Variants in CILK1 observed in about 807,000 individuals in gnomAD.
The protein encoded by CILK1 is ciliogenesis associated kinase 1, also known as serine/threonine-protein kinase ICK.
CILK1 carries 47 observed loss-of-function variants against 79.2 expected under a neutral mutation model. That is an observed-to-expected ratio of 0.59 (90% CI 0.47 to 0.76). The LOEUF (loss-of-function observed/expected upper bound fraction) is 0.76, where lower values mean the gene tolerates loss of function less well. Ranked by LOEUF, CILK1 falls within the 30% of genes least tolerant of loss-of-function variation. CILK1 has a pLI of 0.00. For synonymous variants in CILK1, 266 were observed against 275.9 expected, an observed-to-expected ratio of 0.96 and a Z score of 0.36; for missense variants, 660 against 769.5, an observed-to-expected ratio of 0.86 and a Z score of 1.68.
At chr6:53,020,585 G>A (rs1025088043) in intron 5 of CILK1, among the ~76,000 whole-genome samples, 1 of 152,158 alleles carries the variant, frequency 6.6e-6, no homozygotes, top group Non-Finnish European at 1.5e-5. Flanking sequence ...TTGGGTTAGG[G>A]ATGTTCAACT....
chr6:53,035,082 C>T (rs1487716812), intron 3 of CILK1, among the ~76,000 whole-genome samples: 1 of 152,156 alleles, frequency 6.6e-6, no homozygotes, highest in Non-Finnish European at 1.5e-5. Context: ...CACGTATATA[C>T]CTGCTGAGTT....
chr6:53,006,348 C>T lies in CILK1; in HGVS notation c.1711G>A (p.Val571Ile), dbSNP rs562036775. Residue 571 changes from valine (V) to isoleucine (I), a missense_variant, in exon 13 of 14, where the codon GTA becomes ATA. Coordinates refer to ENST00000676107, the MANE Select transcript of CILK1 (RefSeq NM_014920.5). Reference sequence around the variant, plus strand: ...GGGTCTGGAATAGGTGCTAGGTGTACCCTCTGCATAGCAGAACCGATTTCT... The same window carrying T: ...GGGTCTGGAATAGGTGCTAGGTGTATCCTCTGCATAGCAGAACCGATTTCT... Reference protein sequence around the residue: ...KKEIGSAMQRVHLAPIPDPSP... With the variant: ...KKEIGSAMQRIHLAPIPDPSP... The T allele has an allele frequency of 3.1e-6, 5 of 1,613,550 alleles. No individual in the cohort carries two copies. In the South Asian group the frequency reaches 5.5e-5, roughly 18 times the overall value.
chr6:53,040,873 C>T (rs1047104419), intron 2 of CILK1, among the ~76,000 whole-genome samples: 1 of 152,100 alleles, frequency 6.6e-6, no homozygotes, highest in Non-Finnish European at 1.5e-5. Flanking sequence ...GTTTATTAAC[C>T]TGCTTGTTAC....
chr6:53,050,759 C>T (rs1343769242), intron 1 of CILK1, among the ~76,000 whole-genome samples: 2 of 151,722 alleles, frequency 1.3e-5, no homozygotes, highest in Admixed American at 6.6e-5. Flanking sequence ...GTCTGGGAGG[C>T]GGAGGTTGCA....
At chr6:53,040,498 A>C (rs1766629958) in intron 2 of CILK1, among the ~76,000 whole-genome samples, 1 of 152,242 alleles carries the variant, frequency 6.6e-6, no homozygotes, top group African/African-American at 2.4e-5. Flanking sequence ...CACAATCACA[A>C]AATGAGCTCA....
At chr6:53,006,606 C>A (rs1278205360) in intron 12 of CILK1, among the ~76,000 whole-genome samples, 169 bp from the exon 13 acceptor site, 1 of 152,224 alleles carries the variant, frequency 6.6e-6, no homozygotes, top group Non-Finnish European at 1.5e-5. Context: ...CCATACTACC[C>A]TGTCAGAAAG....
intron 8 of CILK1, among the ~76,000 whole-genome samples, chr6:53,014,727 G>A (rs1342942349): frequency 6.6e-6 from 1 of 152,154 alleles, no homozygotes; most frequent in Admixed American, 6.5e-5. Context: ...GCCTGGTAGA[G>A]GTCCCAGACT....
At chr6:53,019,643 T>C (rs918913150) in intron 5 of CILK1, among the ~76,000 whole-genome samples, 1 of 152,132 alleles carries the variant, frequency 6.6e-6, no homozygotes, top group Non-Finnish European at 1.5e-5. Context: ...TAGGCTGAGA[T>C]AACTTTGCAA....
intron 12 of CILK1, among the ~76,000 whole-genome samples, chr6:53,009,216 T>C (rs944364112): frequency 6.6e-6 from 1 of 152,216 alleles, no homozygotes; most frequent in African/African-American, 2.4e-5. Context: ...GACTATGCTC[T>C]ACTCCCCAGC....
At chr6:53,010,427 T>G (rs564325435) in intron 11 of CILK1, among the ~76,000 whole-genome samples, 1 of 152,128 alleles carries the variant, frequency 6.6e-6, no homozygotes, top group African/African-American at 2.4e-5. Context: ...TGCTGGCCCC[T>G]CCCCTACTCA....
chr6:53,054,068 C>T (rs995365871), intron 1 of CILK1, among the ~76,000 whole-genome samples: 2 of 152,168 alleles, frequency 1.3e-5, no homozygotes, highest in Non-Finnish European at 2.9e-5. Flanking sequence ...ACAGTGCCAC[C>T]GAAGGACCCT....
intron 5 of CILK1, among the ~76,000 whole-genome samples, chr6:53,025,884 TA>T (rs1391592371): frequency 3.9e-5 from 6 of 152,244 alleles, no homozygotes; most frequent in Admixed American, 1.3e-4. Flanking sequence ...ATTAAAAGTA[TA>T]AGATCCTTAT....
At position 53,031,156 on chromosome 6, in the gene CILK1, A is replaced by G; in HGVS notation, c.279-12T>C. On this transcript the variant is annotated splice_polypyrimidine_tract_variant and intron_variant, in intron 4 of 13. Coordinates refer to ENST00000676107, the MANE Select transcript of CILK1 (RefSeq NM_014920.5). ...GAAACAACTTATTTCTGTATGAGGC[A>G]GAGGAAAACAAAGTTATAAATCAAA... 2 of 1,538,674 alleles carry G rather than the reference A, an allele frequency of 1.3e-6. No homozygotes were observed. Among genetic ancestry groups the G allele is most frequent in the Non-Finnish European group, 1.8e-6 (2 of 1,112,350 alleles).
intron 5 of CILK1, among the ~76,000 whole-genome samples, chr6:53,020,096 A>G (rs575132441): frequency 2.9e-4 from 44 of 152,334 alleles, no homozygotes; most frequent in African/African-American, 1.0e-3. Flanking sequence ...ATGTTGCAAC[A>G]TATGTTTAAA....
chr6:53,030,868 T>G (rs868749626), intron 5 of CILK1, among the ~76,000 whole-genome samples, 197 bp downstream of exon 5: 9 of 152,216 alleles, frequency 5.9e-5, no homozygotes, highest in Non-Finnish European at 1.0e-4. Flanking sequence ...AATAAAAACA[T>G]GCAGACACAA....
At chr6:53,043,383 C>A (rs1013616035) in intron 1 of CILK1, among the ~76,000 whole-genome samples, 30 of 151,864 alleles carry the variant, frequency 2.0e-4, no homozygotes, top group African/African-American at 7.3e-4. Context: ...CTCCTGAAAG[C>A]CGTGTGTGAG....
Position 53,037,539 on chromosome 6 carries a change from G to A in CILK1, c.156+400C>T, listed in dbSNP as rs1251541446. On this transcript the variant is annotated intron_variant, in intron 3 of 13. Transcript: ENST00000676107. ...GAGGCTCAACAAGCGCAAGGGTGTG[G>A]GGGTCAATGAATTTCCTCACAGAAA... Among the ~76,000 whole-genome samples, 5 of 152,106 alleles carry A rather than the reference G, an allele frequency of 3.3e-5. No individual in the cohort carries two copies. In the East Asian group the frequency reaches 9.6e-4, roughly 29 times the overall value.
chr6:53,021,087 G>A (rs1349566069), intron 5 of CILK1, among the ~76,000 whole-genome samples: 2 of 152,196 alleles, frequency 1.3e-5, no homozygotes, highest in Non-Finnish European at 2.9e-5. Context: ...TTGGGAGGCC[G>A]AGGCGGGCGG....
chr6:53,053,031 A>C (rs1376931561), intron 1 of CILK1, among the ~76,000 whole-genome samples: 1 of 142,208 alleles, frequency 7.0e-6, no homozygotes, highest in African/African-American at 2.6e-5. Context: ...GCCTATAACA[A>C]AAGTGACAAA....
Sources: allele counts gnomAD v4.1 joint callset (sites outside exome capture counted in the v4.1 genomes callset), GRCh38; gene constraint gnomAD v4.1.1; transcripts MANE v1.5; gene names NCBI Gene and HGNC (gene_info 2026-07-23, HGNC 2026-07-21).